Variants in FMN1 observed in about 807,000 individuals in gnomAD.
FMN1 encodes the protein formin-1.
In FMN1, 110 loss-of-function variants were observed where a neutral mutation model predicts 132.4. The observed-to-expected ratio is 0.83, with a 90% CI of 0.71 to 0.97. The LOEUF (loss-of-function observed/expected upper bound fraction) is 0.97. Among genes scored for constraint, FMN1 ranks in the 50% least tolerant of loss-of-function variants. The probability of loss-of-function intolerance (pLI) is 0.00; values close to 1 mark genes in which losing one functional copy is unlikely to be tolerated. For missense variants in FMN1, 1,792 were observed against 1,705.3 expected (o/e 1.05, Z -0.90); for synonymous variants, 722 against 651.7 (o/e 1.11, Z -1.64).
intron 5 of FMN1, among the ~76,000 whole-genome samples, chr15:33,083,218 A>G (rs566532397): frequency 3.3e-5 from 5 of 152,366 alleles, no homozygotes; most frequent in Admixed American, 1.3e-4. Context: ...TAGAAGTAGT[A>G]ATAATATTTG....
chr15:33,048,786 T>TA (rs762274970), intron 6 of FMN1, among the ~76,000 whole-genome samples: 2 of 152,002 alleles, frequency 1.3e-5, no homozygotes, highest in African/African-American at 2.4e-5. Context: ...AACTTCCACT[T>TA]ATAAAACCAT....
chr15:32,996,065 G>A (rs1328167985), intron 7 of FMN1, among the ~76,000 whole-genome samples: 1 of 152,150 alleles, frequency 6.6e-6, no homozygotes, highest in Non-Finnish European at 1.5e-5. Context: ...AACTAAACAT[G>A]CTGCTGCTCA....
At chr15:32,911,382 C>A (rs190992602) in intron 10 of FMN1, among the ~76,000 whole-genome samples, 1 of 152,248 alleles carries the variant, frequency 6.6e-6, no homozygotes, top group Admixed American at 6.5e-5. Context: ...GTGAAATTAA[C>A]CAGCACGCTA....
At chr15:32,890,243 G>C (rs1462233788) in intron 15 of FMN1, among the ~76,000 whole-genome samples, 1 of 152,196 alleles carries the variant, frequency 6.6e-6, no homozygotes, top group Admixed American at 6.5e-5. Context: ...GCACGTGCAA[G>C]TATCTTTTTC....
intron 4 of FMN1, among the ~76,000 whole-genome samples, chr15:33,098,528 T>C (rs944512848): frequency 6.6e-5 from 10 of 152,152 alleles, no homozygotes; most frequent in African/African-American, 1.9e-4. Flanking sequence ...GGTTCCTCAA[T>C]CAACAGCCAG....
chr15:33,060,645 T>C (rs1275317033), intron 6 of FMN1, among the ~76,000 whole-genome samples: 1 of 152,178 alleles, frequency 6.6e-6, no homozygotes, highest in Non-Finnish European at 1.5e-5. Context: ...CTACAAAAGC[T>C]ATGGTCCTCA....
chr15:33,128,296 T>C (rs537407903), intron 4 of FMN1, among the ~76,000 whole-genome samples: 2 of 152,206 alleles, frequency 1.3e-5, no homozygotes, highest in Non-Finnish European at 2.9e-5. Context: ...AATTTGAACA[T>C]GGCTGCTGAC....
intron 10 of FMN1, among the ~76,000 whole-genome samples, chr15:32,918,860 C>T (rs938427960): frequency 2.0e-5 from 3 of 152,036 alleles, no homozygotes; most frequent in Non-Finnish European, 2.9e-5. Context: ...CTCAGCTCTG[C>T]GAGTGAAGGA....
intron 4 of FMN1, among the ~76,000 whole-genome samples, chr15:33,119,626 C>A (rs1962363647): frequency 6.6e-6 from 1 of 152,168 alleles, no homozygotes; most frequent in South Asian, 2.1e-4. Context: ...CTTTCTCTTT[C>A]AAGGGATAGA....
intron 17 of FMN1, among the ~76,000 whole-genome samples, chr15:32,850,293 T>C (rs1436104791): frequency 6.6e-6 from 1 of 152,160 alleles, no homozygotes; most frequent in Non-Finnish European, 1.5e-5. Flanking sequence ...TTTCTGGGGG[T>C]TGAAGTGAAG....
intron 17 of FMN1, among the ~76,000 whole-genome samples, chr15:32,836,556 C>A (rs901863853): frequency 3.9e-5 from 6 of 152,110 alleles, no homozygotes; most frequent in African/African-American, 7.2e-5. Context: ...GAACCGAGGC[C>A]TTCATATTTT....
In FMN1 at chr15:32,979,625, T is replaced by A. The variant is rs77765443; in HGVS notation, c.2224-10148A>T. Among the ~76,000 whole-genome samples, 1,351 of 147,628 alleles carry A rather than the reference T, an allele frequency of 9.2e-3. 23 individuals are homozygous for A. Among genetic ancestry groups the A allele is most frequent in the African/African-American group, 0.03 (1,212 of 39,772 alleles). ...AAGCTCACATTCTAGGTAGAAACAGTAATATATTTGTAAGTTATGATGAAT... is the reference window on the plus strand; with the variant it reads ...AAGCTCACATTCTAGGTAGAAACAGAAATATATTTGTAAGTTATGATGAAT... On this transcript the variant is annotated intron_variant, in intron 7 of 20. Transcript: ENST00000616417.
At chr15:32,991,642 C>T (rs1056382616) in intron 7 of FMN1, among the ~76,000 whole-genome samples, 10 of 152,130 alleles carry the variant, frequency 6.6e-5, no homozygotes, top group African/African-American at 2.4e-4. Flanking sequence ...ACTTGGCTTG[C>T]TGTCAGACAC....
chr15:33,055,957 T>C (rs1384584726), intron 6 of FMN1, among the ~76,000 whole-genome samples: 2 of 152,128 alleles, frequency 1.3e-5, no homozygotes, highest in Non-Finnish European at 1.5e-5. Flanking sequence ...CACGAGGATA[T>C]GCAATGGCCA....
intron 3 of FMN1, among the ~76,000 whole-genome samples, chr15:33,155,372 A>G (rs1283532862): frequency 6.6e-6 from 1 of 152,196 alleles, no homozygotes; most frequent in Non-Finnish European, 1.5e-5. Flanking sequence ...CTTCTGTAAA[A>G]TAGAGCTATC....
intron 2 of FMN1, among the ~76,000 whole-genome samples, chr15:33,189,740 T>C (rs910955149): frequency 1.3e-5 from 2 of 152,172 alleles, no homozygotes; most frequent in Admixed American, 1.3e-4. Flanking sequence ...ATTTACCTAC[T>C]TCACAGAGGA....
chr15:32,877,289 G>GAA (rs146024325), intron 16 of FMN1, among the ~76,000 whole-genome samples: 45,096 of 135,858 alleles, frequency 0.33, 7,523 homozygotes, highest in African/African-American at 0.45. Flanking sequence ...TCTGTCTCAG[G>GAA]AAAAAAAAAA....
intron 3 of FMN1, among the ~76,000 whole-genome samples, chr15:33,168,623 C>A (rs1012957117): frequency 6.6e-6 from 1 of 152,130 alleles, no homozygotes; most frequent in Non-Finnish European, 1.5e-5. Flanking sequence ...TCAGTTTCTG[C>A]CACAGGGGAT....
rs2060223914 is a variant in FMN1 at position 32,898,875 on chromosome 15, C to T, written c.3673G>A (p.Val1225Met). 6.3e-7 allele frequency: 1 copy of T among 1,596,154 alleles called. No homozygotes were observed. The highest frequency in any genetic ancestry group is 8.6e-7 in the Non-Finnish European group (1 of 1,165,652). Residue 1225 changes from valine to methionine, a missense_variant, in exon 15 of 21, where the codon GTG (valine) becomes ATG (methionine). Coordinates refer to ENST00000616417, the MANE Select transcript of FMN1 (RefSeq NM_001277313.2). ...VKSRDNGINL[V>M]DYVVKYYLRY... is the part of the protein sequence containing the mutation. ...AGGTAATACTTAACAACGTAGTCCA[C>T]CAGATTAATCCCATTATCCTAGGTT...
Sources: gnomAD v4.1 joint callset for allele counts (sites outside exome capture counted in the v4.1 genomes callset) on GRCh38, gnomAD v4.1.1 for gene constraint, MANE v1.5 for transcripts, NCBI Gene and HGNC (gene_info 2026-07-23, HGNC 2026-07-21) for gene names.